POLQ: variants seen among roughly 807,000 people sequenced by gnomAD.
POLQ encodes the protein epididymis secretory sperm binding protein.
Under a neutral mutation model 259.2 loss-of-function variants are expected in POLQ, and 233 were observed. The observed-to-expected ratio is 0.90, with a 90% CI of 0.81 to 1.00. POLQ has a LOEUF of 1.00. Ranked by LOEUF, POLQ falls within the 50% of genes least tolerant of loss-of-function variation. The pLI is 0.00. For synonymous variants in POLQ, 1,025 were observed against 1,048.8 expected, an observed-to-expected ratio of 0.98 and a Z score of 0.44; for missense variants, 2,871 against 3,051.6, an observed-to-expected ratio of 0.94 and a Z score of 1.39.
intron 14 of POLQ, among the ~76,000 whole-genome samples, chr3:121,495,066 C>G (rs2048104768): frequency 6.6e-6 from 1 of 151,702 alleles, no homozygotes; most frequent in Non-Finnish European, 1.5e-5. Context: ...GAGGTCAGGA[C>G]TTTGAGACCA....
At chr3:121,452,006 C>T (rs959952991) in intron 25 of POLQ, among the ~76,000 whole-genome samples, 43 of 151,302 alleles carry the variant, frequency 2.8e-4, no homozygotes, top group Non-Finnish European at 5.2e-4. Flanking sequence ...CTCCCCCAGC[C>T]TTGCTGCTGC....
At chr3:121,491,346 CAAAAAAAAAAAAAAA>C (rs3045625) in intron 15 of POLQ, among the ~76,000 whole-genome samples, 3 of 77,976 alleles carry the variant, frequency 3.8e-5, no homozygotes, top group Non-Finnish European at 4.5e-5. Context: ...GAGACTGTCA[CAAAAAAAAAAAAAAA>C]AAAAAAAAAA....
At chr3:121,453,829 T>G (rs551016106) in intron 25 of POLQ, among the ~76,000 whole-genome samples, 2 of 152,260 alleles carry the variant, frequency 1.3e-5, no homozygotes, top group South Asian at 4.1e-4. Context: ...CCAGGAGAAC[T>G]TCCCCAATCT....
intron 9 of POLQ, among the ~76,000 whole-genome samples, chr3:121,514,199 A>T (rs1366861352): frequency 6.7e-6 from 1 of 149,412 alleles, no homozygotes; most frequent in Non-Finnish European, 1.5e-5. Context: ...ATGATGGCAC[A>T]TTCCTATAAT....
At chr3:121,538,118 A>G (rs543576645) in intron 4 of POLQ, among the ~76,000 whole-genome samples, 11 of 152,314 alleles carry the variant, frequency 7.2e-5, no homozygotes, top group African/African-American at 2.2e-4. Context: ...TCAGTTTTCA[A>G]TGTATTGACT....
intron 6 of POLQ, among the ~76,000 whole-genome samples, chr3:121,530,050 A>G (rs2048400090): frequency 6.6e-6 from 1 of 152,204 alleles, no homozygotes; most frequent in South Asian, 2.1e-4. Flanking sequence ...GGAATACAAT[A>G]TTGAGTAAAA....
At chr3:121,544,032 G>T (rs2048510532) in intron 2 of POLQ, among the ~76,000 whole-genome samples, 1 of 151,580 alleles carries the variant, frequency 6.6e-6, no homozygotes, top group Non-Finnish European at 1.5e-5. Flanking sequence ...TATATTACTT[G>T]TTGTTTGTAT....
chr3:121,529,897 A>G, intron 6 of POLQ, 105 bp from the exon 7 acceptor site: 3 of 755,840 alleles, frequency 4.0e-6, no homozygotes, highest in Non-Finnish European at 6.2e-6. Flanking sequence ...TTCTTCTTTA[A>G]GGCATAATGA....
chr3:121,468,500 C>G, intron 22 of POLQ, 69 bp from the exon 23 acceptor site: 1 of 1,103,988 alleles, frequency 9.1e-7, no homozygotes. Flanking sequence ...ACAGTATTCA[C>G]ATTTCTGGAT....
rs1369357485 is a variant in POLQ at position 121,473,488 on chromosome 3, C to A, written c.6406-1G>T. The A allele has an allele frequency of 3.7e-6, 6 of 1,609,376 alleles. No individual in the cohort carries two copies. Among genetic ancestry groups the A allele is most frequent in the Non-Finnish European group, 5.1e-6 (6 of 1,177,802 alleles). ...GCAACTTCAATTCCAAAAATAAAAC[C>A]TGCAAGAAATTAATGTCTCTTTAGT... On this transcript the variant is annotated splice_acceptor_variant, in intron 20 of 29. Coordinates refer to ENST00000264233, the MANE Select transcript of POLQ (RefSeq NM_199420.4). LOFTEE classifies it high-confidence loss of function.
In POLQ at chr3:121,493,685, T is replaced by C; in HGVS notation, c.2315A>G (p.His772Arg). Residue 772 changes from histidine to arginine, a missense_variant, in exon 15 of 30, where the codon CAC becomes CGC. Physicochemically the swap from His to Arg is conservative, Grantham distance 29. Transcript: ENST00000264233. ...TTGGGAAAGTAGTAGTTCCATGTTGTGCCAGCCCAGACGGTTGGAAAATAC... is the reference window on the plus strand; with the variant it reads ...TTGGGAAAGTAGTAGTTCCATGTTGCGCCAGCCCAGACGGTTGGAAAATAC... ...ITVFSNRLGWHNMELLLSQFQ... is the reference protein window; with the variant it reads ...ITVFSNRLGWRNMELLLSQFQ... 6.2e-7 allele frequency: 1 copy of C among 1,613,850 alleles called. No individual in the cohort carries two copies.
chr3:121,472,831 A>ACATTTACATCT (rs1202950653), intron 21 of POLQ, among the ~76,000 whole-genome samples: 10 of 152,218 alleles, frequency 6.6e-5, no homozygotes, highest in Admixed American at 1.3e-4. Flanking sequence ...AACATCTGTA[A>ACATTTACATCT]AAATGTAAAA....
At chr3:121,532,912 G>T in intron 6 of POLQ, 78 bp downstream of exon 6, 2 of 923,958 alleles carry the variant, frequency 2.2e-6, no homozygotes, top group Non-Finnish European at 3.4e-6. Context: ...ACATCATTCA[G>T]AATTTGTTAG....
In POLQ at chr3:121,489,648, C is replaced by A. The variant is rs752625039; in HGVS notation, c.3283G>T (p.Gly1095Trp). Reference protein sequence around the residue: ...DEKKTEFRNSGPFAKNVSLSG... With the variant: ...DEKKTEFRNSWPFAKNVSLSG... ...AAAGATACATTTTTAGCAAATGGCCCTGAATTTCTAAATTCCGTTTTCTTC... is the reference window on the plus strand; with the variant it reads ...AAAGATACATTTTTAGCAAATGGCCATGAATTTCTAAATTCCGTTTTCTTC... Residue 1095 changes from glycine (G) to tryptophan (W), a missense_variant, in exon 16 of 30, where the codon GGG becomes TGG. Gly to Trp is a radical substitution (Grantham distance 184, BLOSUM62 -2). Transcript: ENST00000264233. 3 of 1,613,872 alleles carry A rather than the reference C, an allele frequency of 1.9e-6. No individual in the cohort carries two copies. The African/African-American group carries it at 4.0e-5, about 22-fold the overall frequency.
Position 121,487,716 on chromosome 3 carries a change from G to T in POLQ, c.5215C>A (p.Pro1739Thr), listed in dbSNP as rs1287054646. The change falls in exon 16 of 30, where the codon CCC becomes ACC. Residue 1739 changes from proline to threonine, a missense_variant. Pro to Thr is a conservative substitution (Grantham distance 38). Around this residue, in one of 3 missense-constraint regions of POLQ, gnomAD observed 2,080 missense variants for 2,126.0 expected, o/e 0.98. Coordinates refer to ENST00000264233, the MANE Select transcript of POLQ (RefSeq NM_199420.4). ...AGCTTAGAAGCAGATGTTGGAATGG[G>T]TGTAGGAGGAATGAGACCATTATCA... ...VDDNGLIPPT[P>T]IPTSASKLTF... 2.5e-6 allele frequency: 4 copies of T among 1,613,860 alleles called. No individual in the cohort carries two copies. The highest frequency in any genetic ancestry group is 1.7e-5 in the Admixed American group (1 of 60,026).
At chr3:121,509,537 CAT>C in intron 12 of POLQ, 22 bp downstream of exon 12, 2 of 1,583,700 alleles carry the variant, frequency 1.3e-6, no homozygotes, top group Non-Finnish European at 1.7e-6. Flanking sequence ...TTTTCACAAA[CAT>C]AATTGTTAAA....
chr3:121,446,579 C>G (rs1469272361), intron 26 of POLQ, among the ~76,000 whole-genome samples: 4 of 152,066 alleles, frequency 2.6e-5, no homozygotes, highest in Non-Finnish European at 5.9e-5. Context: ...CTCTTTAGCT[C>G]TAATGATATT....
chr3:121,434,764 C>T (rs2047529068), intron 28 of POLQ, among the ~76,000 whole-genome samples: 2 of 152,132 alleles, frequency 1.3e-5, no homozygotes, highest in African/African-American at 4.8e-5. Flanking sequence ...CAAATCTCAT[C>T]CTCAATAACT....
At chr3:121,459,369 ATTT>A (rs58859161) in intron 25 of POLQ, among the ~76,000 whole-genome samples, 25 of 104,750 alleles carry the variant, frequency 2.4e-4, no homozygotes, top group Admixed American at 6.4e-4. Flanking sequence ...GACTAGAAAG[ATTT>A]TTTTTTTTTT....
Sources: gnomAD v4.1 joint callset for allele counts (sites outside exome capture counted in the v4.1 genomes callset) on GRCh38, gnomAD v4.1.1 for gene constraint, gnomAD v4.1.1 regional missense constraint, MANE v1.5 for transcripts, NCBI Gene and HGNC (gene_info 2026-07-23, HGNC 2026-07-21) for gene names.